Variants in TMEM128 observed in about 807,000 individuals in gnomAD.
The protein encoded by TMEM128 is transmembrane protein 128.
In TMEM128, 16 loss-of-function variants were observed where a neutral mutation model predicts 19.7. The ratio of observed to expected loss-of-function variants is 0.81; its 90% CI spans 0.55 to 1.23. TMEM128 has a LOEUF of 1.23. Among genes scored for constraint, TMEM128 ranks in the 50% most tolerant of loss-of-function variants. The probability of loss-of-function intolerance (pLI) is 0.00; values close to 1 mark genes in which losing one functional copy is unlikely to be tolerated. For missense variants in TMEM128, 237 were observed against 200.8 expected, an observed-to-expected ratio of 1.18 and a Z score of -1.09; for synonymous variants, 98 against 75.8, an observed-to-expected ratio of 1.29 and a Z score of -1.52.
chr4:4,243,961 G>T (rs1243083936), intron 2 of TMEM128, among the ~76,000 whole-genome samples: 2 of 152,154 alleles, frequency 1.3e-5, no homozygotes, highest in Non-Finnish European at 2.9e-5. Context: ...GGCTGACCTG[G>T]ACTAGATATC....
At chr4:4,242,221 T>C (rs1329932956) in intron 2 of TMEM128, among the ~76,000 whole-genome samples, 1 of 152,072 alleles carries the variant, frequency 6.6e-6, no homozygotes, top group Non-Finnish European at 1.5e-5. Flanking sequence ...ACTCAAGTTA[T>C]ATCTATGAGG....
intron 2 of TMEM128, among the ~76,000 whole-genome samples, chr4:4,241,827 T>G (rs975761277): frequency 2.0e-5 from 3 of 152,222 alleles, no homozygotes; most frequent in African/African-American, 7.2e-5. Flanking sequence ...GAGAATTAAA[T>G]CAAGTGGTCA....
intron 3 of TMEM128, among the ~76,000 whole-genome samples, chr4:4,239,420 GATCCACTGA>G (rs1312730678): frequency 6.6e-6 from 1 of 152,084 alleles, no homozygotes; most frequent in Non-Finnish European, 1.5e-5. Flanking sequence ...AAACTATAAG[GATCCACTGA>G]AAAACAAAAG....
intron 2 of TMEM128, 103 bp from the exon 3 acceptor site, chr4:4,240,582 A>C: frequency 7.5e-7 from 1 of 1,325,976 alleles, no homozygotes; most frequent in Non-Finnish European, 1.0e-6. Flanking sequence ...TAAGAATATC[A>C]AGTGTTGCAG....
intron 2 of TMEM128, among the ~76,000 whole-genome samples, chr4:4,242,114 G>A (rs1717982012): frequency 1.3e-5 from 2 of 151,998 alleles, no homozygotes; most frequent in Non-Finnish European, 2.9e-5. Context: ...GTCCATATTG[G>A]CCAGGCTGGT....
In TMEM128 at chr4:4,237,881, A is replaced by T; in HGVS notation, c.453T>A (p.Phe151Leu). Reference sequence around the variant, plus strand: ...ACATGACAACCCCCATAAACTGGGTAAACAACAACAATGGAGTGAAAAACG... The same window carrying T: ...ACATGACAACCCCCATAAACTGGGTTAACAACAACAATGGAGTGAAAAACG... ...VWSFFTPLLL[F>L]TQFMGVVMFI... The change falls in exon 4 of 5, where the codon TTT becomes TTA. Residue 151 changes from phenylalanine (F) to leucine (L), a missense_variant. Transcript: ENST00000382753. 1 of 1,608,340 alleles carries T rather than the reference A, an allele frequency of 6.2e-7. No individual in the cohort carries two copies. The highest frequency in any genetic ancestry group is 1.1e-5 in the South Asian group (1 of 90,012).
intron 2 of TMEM128, among the ~76,000 whole-genome samples, chr4:4,241,774 T>G (rs956072940): frequency 1.3e-5 from 2 of 152,234 alleles, no homozygotes; most frequent in African/African-American, 2.4e-5. Flanking sequence ...CTAACCTCCG[T>G]GTGTTTCAGA....
At chr4:4,240,978 G>A (rs7695889) in intron 2 of TMEM128, among the ~76,000 whole-genome samples, 47,073 of 152,174 alleles carry the variant, frequency 0.31, 7,910 homozygotes, top group East Asian at 0.46. Flanking sequence ...TTGGGAGGAT[G>A]AGGCAGGAGA....
chr4:4,245,822 A>G (rs1052330120), intron 2 of TMEM128, among the ~76,000 whole-genome samples: 8 of 152,112 alleles, frequency 5.3e-5, no homozygotes, highest in African/African-American at 1.9e-4. Flanking sequence ...ACGTGTATAC[A>G]TATACACACA....
chr4:4,236,944 C>T lies in TMEM128; in HGVS notation c.*10-688G>A, dbSNP rs566539076. On this transcript the variant is annotated intron_variant, in intron 4 of 4. Coordinates refer to ENST00000382753, the MANE Select transcript of TMEM128 (RefSeq NM_001297551.2). ...TAAGTGACCTGACAGGAGGCACTAT[C>T]TTTGTCCTTCTCACCATGCCCCTAA... The T allele has an allele frequency of 5.3e-5, 16 of 301,266 alleles. 1 individual carries two copies. Among genetic ancestry groups the T allele is most frequent in the South Asian group, 4.2e-4 (16 of 37,668 alleles). The allele number at this position is 301,266 out of a possible 1,614,324, so 18.7% of individuals were successfully genotyped here. A position where few individuals can be genotyped will look rare whatever the true frequency, so the allele number is the denominator to read the frequency against.
chr4:4,238,078 G>A lies in TMEM128; in HGVS notation c.399-143C>T, dbSNP rs181278443. 408 of 519,408 alleles carry A rather than the reference G, an allele frequency of 7.9e-4. 1 individual carries two copies. Among genetic ancestry groups the A allele is most frequent in the African/African-American group, 7.5e-3 (379 of 50,254 alleles). 32.2% of individuals were successfully genotyped at this position (519,408 alleles called of 1,614,324 possible). On this transcript the variant is annotated intron_variant, in intron 3 of 4. Coordinates refer to ENST00000382753, the MANE Select transcript of TMEM128 (RefSeq NM_001297551.2). ...TATGTATCATATTTCTCAAGTATGT[G>A]ACTTAGCCAATGCTGGAAAGGAAAA... is the stretch of plus-strand genomic sequence containing the variant.
intron 1 of TMEM128, chr4:4,247,801 C>T: frequency 6.2e-6 from 9 of 1,445,854 alleles, no homozygotes; most frequent in Non-Finnish European, 8.2e-6. Context: ...ACACTGCGCA[C>T]ATCATTGTAC....
At chr4:4,244,339 T>C (rs1436111365) in intron 2 of TMEM128, among the ~76,000 whole-genome samples, 2 of 151,964 alleles carry the variant, frequency 1.3e-5, no homozygotes, top group Admixed American at 1.3e-4. Flanking sequence ...TAGCCAGGCA[T>C]GGTGGTGTGC....
chr4:4,245,541 T>TC (rs969152760), intron 2 of TMEM128, among the ~76,000 whole-genome samples: 1 of 152,134 alleles, frequency 6.6e-6, no homozygotes, highest in Non-Finnish European at 1.5e-5. Context: ...CTCCCTCTTT[T>TC]CCCCAAATGG....
intron 4 of TMEM128, 38 bp downstream of exon 4, chr4:4,237,789 C>G (rs62286913): frequency 7.2e-7 from 1 of 1,385,058 alleles, no homozygotes; most frequent in South Asian, 1.2e-5. Context: ...ATTTTTCAAA[C>G]GAGTTCATTT....
chr4:4,247,904 T>C, intron 1 of TMEM128: 1 of 1,430,428 alleles, frequency 7.0e-7, no homozygotes, highest in South Asian at 1.5e-5. Context: ...AGGTGTCAAA[T>C]CAGCTCTCCA....
chr4:4,242,592 C>T (rs758153671), intron 2 of TMEM128, among the ~76,000 whole-genome samples: 1 of 151,740 alleles, frequency 6.6e-6, no homozygotes, highest in African/African-American at 2.4e-5. Context: ...GATCTCGGCT[C>T]ACTGCAACCT....
At chr4:4,242,471 T>C (rs1717999222) in intron 2 of TMEM128, among the ~76,000 whole-genome samples, 1 of 150,808 alleles carries the variant, frequency 6.6e-6, no homozygotes, top group African/African-American at 2.4e-5. Context: ...CCCTAAGGAG[T>C]CTTTTTAGAC....
chr4:4,245,387 A>T (rs1718125384), intron 2 of TMEM128, among the ~76,000 whole-genome samples: 1 of 152,108 alleles, frequency 6.6e-6, no homozygotes, highest in Admixed American at 6.5e-5. Context: ...CTCCACTCTA[A>T]CACAGTTACA....
Sources: allele counts gnomAD v4.1 joint callset (sites outside exome capture counted in the v4.1 genomes callset), GRCh38; gene constraint gnomAD v4.1.1; transcripts MANE v1.5; gene names NCBI Gene and HGNC (gene_info 2026-07-23, HGNC 2026-07-21).